Variants in CFAP70 observed in about 807,000 individuals in gnomAD.
The protein encoded by CFAP70 is cilia and flagella associated protein 70, also known as cilia- and flagella-associated protein 70.
CFAP70 carries 81 observed loss-of-function variants against 137.6 expected under a neutral mutation model. That is an observed-to-expected ratio of 0.59 (90% confidence interval 0.49 to 0.71). CFAP70 has a LOEUF of 0.71. Ranked by LOEUF, CFAP70 falls within the 30% of genes least tolerant of loss-of-function variation. The pLI is 0.00. For synonymous variants in CFAP70, 382 were observed against 423.6 expected (o/e 0.90, Z 1.20); for missense variants, 976 against 1,226.7 (o/e 0.80, Z 3.05).
chr10:73,317,164 C>G (rs1340391682), intron 9 of CFAP70, among the ~76,000 whole-genome samples: 2 of 152,086 alleles, frequency 1.3e-5, no homozygotes, highest in African/African-American at 4.8e-5. Context: ...ATTACAGGTG[C>G]ACGCCACCAT....
intron 3 of CFAP70, among the ~76,000 whole-genome samples, chr10:73,348,860 C>T (rs954313597): frequency 5.9e-5 from 9 of 151,694 alleles, no homozygotes; most frequent in Non-Finnish European, 1.2e-4. Context: ...GTTGGGAGTT[C>T]GAGACCACCC....
intron 6 of CFAP70, among the ~76,000 whole-genome samples, chr10:73,336,875 C>T (rs915116507): frequency 1.3e-5 from 2 of 151,952 alleles, no homozygotes; most frequent in Non-Finnish European, 2.9e-5. Context: ...CGCGCCCGGC[C>T]GCGTTATACT....
At chr10:73,361,407 C>G (rs1213966184), upstream of CFAP70, among the ~76,000 whole-genome samples, 3 of 151,648 alleles carry the variant, frequency 2.0e-5, no homozygotes, top group Non-Finnish European at 4.4e-5. Flanking sequence ...ACCCTCCCAC[C>G]TCAGCCTCCC....
intron 19 of CFAP70, among the ~76,000 whole-genome samples, chr10:73,283,564 CCT>C (rs2047422379): frequency 6.6e-6 from 1 of 151,984 alleles, no homozygotes; most frequent in African/African-American, 2.4e-5. Flanking sequence ...GTGAATTAAC[CCT>C]GTTATTGTTC....
At chr10:73,336,972 C>A (rs1379291057) in intron 6 of CFAP70, among the ~76,000 whole-genome samples, 1 of 151,858 alleles carries the variant, frequency 6.6e-6, no homozygotes, top group Non-Finnish European at 1.5e-5. Flanking sequence ...CATTATACAG[C>A]AAGTACAAAT....
intron 9 of CFAP70, among the ~76,000 whole-genome samples, chr10:73,320,682 T>G (rs969013815): frequency 1.3e-5 from 2 of 151,938 alleles, no homozygotes; most frequent in Admixed American, 1.3e-4. Context: ...TTTTTTTTTT[T>G]TCTTGAGAGG....
At chr10:73,291,011 CTTTTT>C (rs1351119041) in intron 19 of CFAP70, among the ~76,000 whole-genome samples, 4 of 152,044 alleles carry the variant, frequency 2.6e-5, no homozygotes, top group Admixed American at 6.6e-5. Context: ...CAGTACTTTT[CTTTTT>C]ATTTTTTAAA....
At chr10:73,330,449 CAAAAAA>C (rs745806193) in intron 8 of CFAP70, among the ~76,000 whole-genome samples, 1 of 69,132 alleles carries the variant, frequency 1.4e-5, no homozygotes, top group Admixed American at 1.7e-4. Context: ...GACTCCATCA[CAAAAAA>C]AAAAAAAAAA....
chr10:73,264,228 T>G (rs556354887), intron 25 of CFAP70, among the ~76,000 whole-genome samples: 21 of 152,202 alleles, frequency 1.4e-4, no homozygotes, highest in African/African-American at 4.1e-4. Context: ...AAGCCTCTGG[T>G]CCCCCCACAA....
rs759078933 is a variant in CFAP70 at position 73,297,095 on chromosome 10, TA to T, written c.1590del (p.Phe530LeufsTer9). The T allele has an allele frequency of 6.2e-7, 1 of 1,613,968 alleles. No homozygotes were observed. Among genetic ancestry groups the T allele is most frequent in the South Asian group, 1.1e-5 (1 of 91,080 alleles). On this transcript the variant is annotated frameshift_variant, in exon 15 of 27. Coordinates refer to ENST00000310715, the Ensembl canonical transcript of CFAP70. LOFTEE classifies it high-confidence loss of function. Reference sequence around the variant, plus strand: ...ACTAAGAACACATAGAGCTCACTGATAAATGTCTGAAGTTCCTCCTGGCTTT... The same window carrying T: ...ACTAAGAACACATAGAGCTCACTGATAATGTCTGAAGTTCCTCCTGGCTTT...
chr10:73,310,116 C>G, intron 12 of CFAP70, 42 bp downstream of exon 13: 1 of 1,344,840 alleles, frequency 7.4e-7, no homozygotes, highest in Non-Finnish European at 1.0e-6. Context: ...CTTATTTATA[C>G]CCAAATTGTA....
chr10:73,258,861 A>G lies in CFAP70; in HGVS notation c.3028-2445T>C, dbSNP rs2044819568. Among the ~76,000 whole-genome samples the G allele has an allele frequency of 2.6e-5, 4 of 152,154 alleles. No homozygotes were observed. The South Asian group carries it at 8.3e-4, about 32-fold the overall frequency. ...GGATTAGGAAATTCTTGCCTAGTAA[A>G]TTTTAGTCAGACCAGTTGTCTGCTC... On this transcript the variant is annotated intron_variant, in intron 25 of 26. Transcript: ENST00000310715.
At chr10:73,359,148 G>C (rs1163456224), upstream of CFAP70, among the ~76,000 whole-genome samples, 1 of 152,172 alleles carries the variant, frequency 6.6e-6, no homozygotes, top group Non-Finnish European at 1.5e-5. Context: ...CTGTTGATGA[G>C]AGTGCAAAAT....
intron 4 of CFAP70, among the ~76,000 whole-genome samples, chr10:73,347,366 C>T (rs899894682): frequency 1.3e-5 from 2 of 151,844 alleles, no homozygotes. Flanking sequence ...AAGGTAGGTA[C>T]GAGGCTATTT....
intron 9 of CFAP70, among the ~76,000 whole-genome samples, chr10:73,317,767 TG>T: frequency 6.6e-6 from 1 of 152,134 alleles, no homozygotes; most frequent in Non-Finnish European, 1.5e-5. Context: ...CCCCCTCCAG[TG>T]GGTGACAGAG....
intron 5 of CFAP70, among the ~76,000 whole-genome samples, chr10:73,342,189 C>T (rs6480701): frequency 0.11 from 16,054 of 152,052 alleles, 1,214 homozygotes; most frequent in East Asian, 0.3. Context: ...GAACATCCAA[C>T]ATTTAAACAA....
chr10:73,345,839 A>G (rs1418392562), intron 4 of CFAP70, among the ~76,000 whole-genome samples: 2 of 152,074 alleles, frequency 1.3e-5, no homozygotes, highest in Admixed American at 1.3e-4. Context: ...GCACATGAGT[A>G]AGTGAGATTG....
At chr10:73,257,723 T>C (rs1212236529) in intron 25 of CFAP70, among the ~76,000 whole-genome samples, 2 of 152,176 alleles carry the variant, frequency 1.3e-5, no homozygotes, top group African/African-American at 4.8e-5. Flanking sequence ...CTACCACTAT[T>C]ACTTTGTTTC....
intron 12 of CFAP70, among the ~76,000 whole-genome samples, chr10:73,308,189 C>G (rs560909692): frequency 8.6e-5 from 13 of 151,508 alleles, no homozygotes; most frequent in Admixed American, 2.6e-4. Context: ...TTTGAACAAC[C>G]CTATAAACCA....
Sources: allele counts gnomAD v4.1 joint callset (sites outside exome capture counted in the v4.1 genomes callset), GRCh38; gene constraint gnomAD v4.1.1; transcripts MANE v1.5; gene names NCBI Gene and HGNC (gene_info 2026-07-23, HGNC 2026-07-21).